Variants in CPNE8 observed in about 807,000 individuals in gnomAD.
CPNE8 encodes the protein copine 8.
Under a neutral mutation model 81.5 loss-of-function variants are expected in CPNE8, and 45 were observed. The observed-to-expected ratio is 0.55, with a 90% CI of 0.44 to 0.71. The LOEUF (loss-of-function observed/expected upper bound fraction) is 0.71. Among genes scored for constraint, CPNE8 ranks in the 30% least tolerant of loss-of-function variants. The pLI is 0.00. For synonymous variants in CPNE8, 252 were observed against 226.3 expected (o/e 1.11, Z -1.02); for missense variants, 594 against 672.1 (o/e 0.88, Z 1.28).
At chr12:38,842,939 C>T (rs1943497455) in intron 4 of CPNE8, among the ~76,000 whole-genome samples, 1 of 152,170 alleles carries the variant, frequency 6.6e-6, no homozygotes, top group African/African-American at 2.4e-5. Context: ...TATATCAAGA[C>T]TTCTCCAGTC....
At chr12:38,887,512 CTT>C (rs1280095354) in intron 1 of CPNE8, among the ~76,000 whole-genome samples, 1 of 152,060 alleles carries the variant, frequency 6.6e-6, no homozygotes, top group Admixed American at 6.6e-5. Context: ...CTCCTTTGCT[CTT>C]TTCAACATAA....
chr12:38,884,747 A>C (rs1468129020), intron 1 of CPNE8, among the ~76,000 whole-genome samples: 2 of 152,160 alleles, frequency 1.3e-5, no homozygotes, highest in African/African-American at 4.8e-5. Flanking sequence ...GTCAATCCAC[A>C]TACCTGATCA....
At chr12:38,898,860 A>G (rs1437624688) in intron 1 of CPNE8, among the ~76,000 whole-genome samples, 2 of 152,188 alleles carry the variant, frequency 1.3e-5, no homozygotes. Flanking sequence ...TTAATCACTA[A>G]GTGTAGCTGG....
intron 3 of CPNE8, among the ~76,000 whole-genome samples, chr12:38,851,918 T>C (rs4768394): frequency 0.87 from 132,652 of 152,046 alleles, 58,120 homozygotes; most frequent in Non-Finnish European, 0.92. Context: ...AAACCCTTTC[T>C]TACCTCATGG....
At chr12:38,803,321 G>T (rs1463869480) in intron 6 of CPNE8, among the ~76,000 whole-genome samples, 6 of 72,614 alleles carry the variant, frequency 8.3e-5, no homozygotes, top group African/African-American at 2.1e-4. Flanking sequence ...GATCAAGTGG[G>T]CTTCATCCCT....
intron 14 of CPNE8, 108 bp from the exon 15 acceptor site, chr12:38,693,946 T>C (rs1939738033): frequency 1.2e-6 from 1 of 838,346 alleles, no homozygotes; most frequent in Non-Finnish European, 1.8e-6. Context: ...TATGTTTTTC[T>C]GCCTATATAC....
intron 19 of CPNE8, among the ~76,000 whole-genome samples, chr12:38,659,912 G>A (rs1565557632): frequency 6.6e-6 from 1 of 152,194 alleles, no homozygotes; most frequent in Non-Finnish European, 1.5e-5. Flanking sequence ...TACAAGGGAT[G>A]TGAAGGACCT....
intron 19 of CPNE8, among the ~76,000 whole-genome samples, chr12:38,663,254 C>T (rs1938997068): frequency 1.3e-5 from 2 of 151,670 alleles, no homozygotes; most frequent in Non-Finnish European, 2.9e-5. Flanking sequence ...TGAATTCAAA[C>T]AATAGCAAAA....
chr12:38,879,819 T>G (rs1944125050), intron 1 of CPNE8, among the ~76,000 whole-genome samples: 1 of 152,108 alleles, frequency 6.6e-6, no homozygotes, highest in Non-Finnish European at 1.5e-5. Context: ...ATTAAAAAAT[T>G]AGAAATTTTT....
At chr12:38,725,643 C>T (rs1940679009) in intron 11 of CPNE8, among the ~76,000 whole-genome samples, 1 of 152,076 alleles carries the variant, frequency 6.6e-6, no homozygotes, top group African/African-American at 2.4e-5. Context: ...ATTATTTGAA[C>T]CACAATTTAT....
intron 1 of CPNE8, among the ~76,000 whole-genome samples, chr12:38,880,981 C>G (rs994899277): frequency 2.0e-5 from 3 of 151,990 alleles, no homozygotes; most frequent in African/African-American, 7.2e-5. Flanking sequence ...GAGGCCAAGA[C>G]GGGTGGATCA....
intron 15 of CPNE8, among the ~76,000 whole-genome samples, chr12:38,690,731 A>G (rs534646056): frequency 6.6e-6 from 1 of 152,312 alleles, no homozygotes; most frequent in Non-Finnish European, 1.5e-5. Context: ...GAAGAAATGT[A>G]TGGAGAGAAA....
chr12:38,665,307 A>G (rs1485535349), intron 19 of CPNE8, among the ~76,000 whole-genome samples: 1 of 152,138 alleles, frequency 6.6e-6, no homozygotes, highest in Non-Finnish European at 1.5e-5. Context: ...GACCCTTATA[A>G]TATTTAGTTT....
intron 19 of CPNE8, among the ~76,000 whole-genome samples, chr12:38,657,638 A>G (rs892431808): frequency 6.6e-6 from 1 of 152,088 alleles, no homozygotes; most frequent in Non-Finnish European, 1.5e-5. Context: ...GCCGATAGAC[A>G]CCTCATACAG....
At chr12:38,851,912 C>T (rs1451333131) in intron 3 of CPNE8, among the ~76,000 whole-genome samples, 1 of 152,100 alleles carries the variant, frequency 6.6e-6, no homozygotes, top group Admixed American at 6.6e-5. Context: ...CACACCAAAC[C>T]CTTTCTTACC....
intron 16 of CPNE8, among the ~76,000 whole-genome samples, chr12:38,682,742 T>C (rs1939438969): frequency 6.6e-6 from 1 of 152,132 alleles, no homozygotes. Context: ...AAATTAGTAA[T>C]AGACACATGC....
At chr12:38,686,822 T>A (rs769128215) in intron 15 of CPNE8, among the ~76,000 whole-genome samples, 1 of 152,104 alleles carries the variant, frequency 6.6e-6, no homozygotes, top group Non-Finnish European at 1.5e-5. Flanking sequence ...CAGCTAACTT[T>A]CCCCAGATTG....
At chr12:38,756,883 A>G (rs1254247353) in intron 10 of CPNE8, among the ~76,000 whole-genome samples, 2 of 152,224 alleles carry the variant, frequency 1.3e-5, no homozygotes, top group Non-Finnish European at 1.5e-5. Flanking sequence ...TAAACATAAA[A>G]TGTATACCAC....
chr12:38,743,976 T>C (rs1941168677), intron 10 of CPNE8, among the ~76,000 whole-genome samples: 1 of 152,220 alleles, frequency 6.6e-6, no homozygotes, highest in Admixed American at 6.5e-5. Flanking sequence ...TTTCCAGGCA[T>C]GATTTGACTA....
Sources: gnomAD v4.1 joint callset for allele counts (sites outside exome capture counted in the v4.1 genomes callset) on GRCh38, gnomAD v4.1.1 for gene constraint, MANE v1.5 for transcripts, NCBI Gene and HGNC (gene_info 2026-07-23, HGNC 2026-07-21) for gene names.